The following RAPGEF2 variants were observed in gnomAD, a reference collection of about 807,000 sequenced individuals.
RAPGEF2 encodes the protein Rap guanine nucleotide exchange factor 2, also known as PDZ domain containing guanine nucleotide exchange factor (GEF) 1.
In RAPGEF2, 54 loss-of-function variants were observed where a neutral mutation model predicts 186.7. The observed-to-expected ratio is 0.29, with a 90% CI of 0.23 to 0.36. The LOEUF is 0.36. Ranked by LOEUF, RAPGEF2 falls within the 10% of genes least tolerant of loss-of-function variation. The pLI, the probability that RAPGEF2 is intolerant of heterozygous loss-of-function variation, is 1.00. For missense variants in RAPGEF2, 1,532 were observed against 2,045.0 expected, an observed-to-expected ratio of 0.75 and a Z score of 4.84; for synonymous variants, 712 against 705.9, an observed-to-expected ratio of 1.01 and a Z score of -0.14.
chr4:159,261,738 C>G (rs1428077276), intron 7 of RAPGEF2, among the ~76,000 whole-genome samples: 1 of 152,144 alleles, frequency 6.6e-6, no homozygotes, highest in African/African-American at 2.4e-5. Context: ...TAGGTCTGAT[C>G]ATGTAACCTG....
At chr4:159,327,334 G>T (rs1162974558) in intron 11 of RAPGEF2, 1 of 152,132 alleles carries the variant, frequency 6.6e-6, no homozygotes, top group Non-Finnish European at 1.5e-5. Flanking sequence ...TGAAACCCAT[G>T]AGATTTACAG....
At chr4:159,259,433 T>G (rs1756551749) in intron 7 of RAPGEF2, among the ~76,000 whole-genome samples, 1 of 152,204 alleles carries the variant, frequency 6.6e-6, no homozygotes, top group Non-Finnish European at 1.5e-5. Flanking sequence ...AAGTTAAGTG[T>G]TTTTCCTTTT....
At chr4:159,357,329 G>A (rs748203487) in intron 29 of RAPGEF2, among the ~76,000 whole-genome samples, 14 of 152,298 alleles carry the variant, frequency 9.2e-5, no homozygotes, top group Non-Finnish European at 1.5e-4. Flanking sequence ...CCACTGCACC[G>A]TAGCCTAGGT....
At chr4:159,266,229 G>A (rs1048655281) in intron 7 of RAPGEF2, among the ~76,000 whole-genome samples, 3 of 152,088 alleles carry the variant, frequency 2.0e-5, no homozygotes, top group Admixed American at 2.0e-4. Flanking sequence ...GAGTGATGTG[G>A]TGGGAATGGT....
intron 18 of RAPGEF2, 24 bp from the exon 19 acceptor site, chr4:159,339,090 G>T (rs377520115): frequency 2.5e-6 from 4 of 1,606,778 alleles, no homozygotes; most frequent in Non-Finnish European, 3.4e-6. Context: ...TTCTACTTAT[G>T]TGTGTGATTT....
At chr4:159,202,871 G>T (rs1418229554) in intron 3 of RAPGEF2, among the ~76,000 whole-genome samples, 1 of 152,124 alleles carries the variant, frequency 6.6e-6, no homozygotes, top group Non-Finnish European at 1.5e-5. Context: ...TAAAGTGCTG[G>T]GATTACAGGC....
intron 7 of RAPGEF2, among the ~76,000 whole-genome samples, chr4:159,278,071 GT>G (rs1759169946): frequency 6.6e-6 from 1 of 152,150 alleles, no homozygotes; most frequent in Non-Finnish European, 1.5e-5. Context: ...GGTTTTTATA[GT>G]TTTAGGTCTA....
chr4:159,257,919 T>C (rs1288276270), intron 7 of RAPGEF2, among the ~76,000 whole-genome samples: 2 of 152,330 alleles, frequency 1.3e-5, no homozygotes, highest in East Asian at 3.9e-4. Context: ...CTTTCATCCC[T>C]GATTTCTCGT....
chr4:159,278,568 A>G (rs562961121), intron 7 of RAPGEF2, among the ~76,000 whole-genome samples: 3 of 152,336 alleles, frequency 2.0e-5, no homozygotes, highest in African/African-American at 7.2e-5. Flanking sequence ...AAGTTAGGAA[A>G]TAGTTAGTAC....
intron 7 of RAPGEF2, among the ~76,000 whole-genome samples, chr4:159,270,487 T>C (rs1757989523): frequency 6.6e-6 from 1 of 152,214 alleles, no homozygotes; most frequent in South Asian, 2.1e-4. Context: ...GTGGCTTTGC[T>C]TCTTTGACTG....
chr4:159,213,613 A>G (rs1251257044), intron 4 of RAPGEF2, among the ~76,000 whole-genome samples: 3 of 152,210 alleles, frequency 2.0e-5, no homozygotes, highest in Admixed American at 6.5e-5. Context: ...AGATTTAATT[A>G]GCCTTATTGA....
chr4:159,107,055 A>G (rs1199634305), intron 1 of RAPGEF2, among the ~76,000 whole-genome samples: 1 of 152,214 alleles, frequency 6.6e-6, no homozygotes, highest in Non-Finnish European at 1.5e-5. Context: ...TTCACCTGAT[A>G]TTGTGAGAGG....
intron 1 of RAPGEF2, among the ~76,000 whole-genome samples, chr4:159,118,716 G>A (rs780815108): frequency 7.2e-5 from 11 of 152,002 alleles, no homozygotes; most frequent in African/African-American, 2.4e-4. Context: ...CTCCCAAGTC[G>A]CTGGGATTAC....
intron 1 of RAPGEF2, among the ~76,000 whole-genome samples, chr4:159,173,548 A>G (rs1033524248): frequency 6.6e-5 from 10 of 152,142 alleles, no homozygotes; most frequent in Admixed American, 2.0e-4. Flanking sequence ...CAAGGTTTCT[A>G]GGAGGTTTAA....
At chr4:159,209,757 C>T (rs943574601) in intron 3 of RAPGEF2, among the ~76,000 whole-genome samples, 2 of 152,256 alleles carry the variant, frequency 1.3e-5, no homozygotes, top group South Asian at 2.1e-4. Context: ...TGCTCCTAGA[C>T]CCAACAGTTG....
chr4:159,122,038 C>CAAAAAAAAAAAAAA (rs70962654), intron 1 of RAPGEF2, among the ~76,000 whole-genome samples: 1 of 51,440 alleles, frequency 1.9e-5, no homozygotes, highest in Non-Finnish European at 3.5e-5. Context: ...GACTCCATCT[C>CAAAAAAAAAAAAAA]AAAAAAAAAA....
chr4:159,144,879 G>GTTTTTTTTTTTTTTTTTTTTTTTTTT (rs137978885), intron 1 of RAPGEF2, among the ~76,000 whole-genome samples: 1 of 92,338 alleles, frequency 1.1e-5, no homozygotes, highest in Non-Finnish European at 2.0e-5. Flanking sequence ...CTTTCTTCCT[G>GTTTTTTTTTTTTTTTTTTTTTTTTTT]TTTTTTTTTT....
At chr4:159,163,735 GTCCTTA>G (rs1232638892) in intron 1 of RAPGEF2, among the ~76,000 whole-genome samples, 11 of 152,216 alleles carry the variant, frequency 7.2e-5, no homozygotes, top group Admixed American at 7.2e-4. Context: ...TTTTAATTGA[GTCCTTA>G]CTGTGTGCTA....
In RAPGEF2 at chr4:159,314,646, T is replaced by C; in HGVS notation, c.731T>C (p.Val244Ala). 1 of 1,613,854 alleles carries C rather than the reference T, an allele frequency of 6.2e-7. No individual in the cohort carries two copies. The highest frequency in any genetic ancestry group is 8.5e-7 in the Non-Finnish European group (1 of 1,179,910). ...MDLSGLPETA[V>A]DSEDDDDEED... ...CTGAGTGGGTTGCCAGAAACAGCAGTGGATTCCGAAGACGACGACGATGAA... is the reference window on the plus strand; with the variant it reads ...CTGAGTGGGTTGCCAGAAACAGCAGCGGATTCCGAAGACGACGACGATGAA... Residue 244 changes from valine to alanine, a missense_variant, in exon 9 of 30, where the codon GTG (valine) becomes GCG (alanine). Around this residue, in one of 4 missense-constraint regions of RAPGEF2, gnomAD observed 810 missense variants for 1,210.5 expected, o/e 0.67. Transcript: ENST00000691494.
Sources: gnomAD v4.1 joint callset for allele counts (sites outside exome capture counted in the v4.1 genomes callset) on GRCh38, gnomAD v4.1.1 for gene constraint, gnomAD v4.1.1 regional missense constraint, MANE v1.5 for transcripts, NCBI Gene and HGNC (gene_info 2026-07-23, HGNC 2026-07-21) for gene names.